Variants in SAR1A observed in about 807,000 individuals in gnomAD.
SAR1A encodes secretion associated Ras related GTPase 1A, also known as small COPII coat GTPase SAR1A.
In SAR1A, 6 loss-of-function variants were observed where a neutral mutation model predicts 22.6. The ratio of observed to expected loss-of-function variants is 0.27; its 90% CI spans 0.15 to 0.52. The LOEUF (loss-of-function observed/expected upper bound fraction) is 0.52. Ranked by LOEUF, SAR1A falls within the 20% of genes least tolerant of loss-of-function variation. SAR1A has a pLI of 0.96. For synonymous variants in SAR1A, 70 were observed against 82.2 expected (o/e 0.85, Z 0.80); for missense variants, 145 against 245.1 (o/e 0.59, Z 2.73).
At chr10:70,162,572 A>G (rs1839489570) in intron 1 of SAR1A, 1 of 152,122 alleles carries the variant, frequency 6.6e-6, no homozygotes, top group African/African-American at 2.4e-5. Flanking sequence ...TTCTTGACAC[A>G]GATTTTGCAA....
chr10:70,163,635 G>A (rs1239467632), intron 1 of SAR1A: 3 of 722,220 alleles, frequency 4.2e-6, no homozygotes, highest in Admixed American at 1.9e-5. Context: ...GCAAGTGAGC[G>A]AGCAGAGTGG....
chr10:70,163,980 T>C (rs1839510958), intron 1 of SAR1A: 1 of 1,212,454 alleles, frequency 8.2e-7, no homozygotes, highest in Non-Finnish European at 1.2e-6. Context: ...TGGCAATGGC[T>C]ATATTAGTGG....
At chr10:70,158,771 G>GAAA (rs1839429168) in intron 4 of SAR1A, among the ~76,000 whole-genome samples, 1 of 92,288 alleles carries the variant, frequency 1.1e-5, no homozygotes, top group Non-Finnish European at 2.1e-5. Flanking sequence ...AAAAAAAAAA[G>GAAA]GAAACCTCCA....
At position 70,170,486 on chromosome 10, in the gene SAR1A, CG is replaced by C. The variant is rs1839614863; in HGVS notation, c.-91del. The C allele has an allele frequency of 6.5e-6, 1 of 152,736 alleles. No homozygotes were observed. The highest frequency in any genetic ancestry group is 1.5e-5 in the Non-Finnish European group (1 of 68,520). 9.5% of individuals were successfully genotyped at this position (152,736 alleles called of 1,614,324 possible). On this transcript the variant is annotated 5_prime_UTR_variant, in exon 1 of 7. Coordinates refer to ENST00000373241, the MANE Select transcript of SAR1A (RefSeq NM_020150.5). Reference sequence around the variant, plus strand: ...TCAGAGCACACTAACCAGCAGCACCCGGGACCGCCAGCTACTCGCCGGATGT... The same window carrying C: ...TCAGAGCACACTAACCAGCAGCACCCGGACCGCCAGCTACTCGCCGGATGT...
At chr10:70,162,724 T>G (rs1721787785) in intron 1 of SAR1A, 1 of 152,214 alleles carries the variant, frequency 6.6e-6, no homozygotes, top group Non-Finnish European at 1.5e-5. Context: ...CCTGAGGTTT[T>G]CTGGTTTTTT....
In SAR1A at chr10:70,150,462, C is replaced by T. The variant is rs1157572772; in HGVS notation, c.*2014G>A. ...ATTGGTTCTAACTGATTTTCAATCCCCTTTCTCCAGTGGAATAAACCACTT... is the reference window on the plus strand; with the variant it reads ...ATTGGTTCTAACTGATTTTCAATCCTCTTTCTCCAGTGGAATAAACCACTT... On this transcript the variant is annotated 3_prime_UTR_variant, in exon 7 of 7. Transcript: ENST00000373241. The T allele has an allele frequency of 6.6e-6, 1 of 152,156 alleles. No individual in the cohort carries two copies. The highest frequency in any genetic ancestry group is 1.5e-5 in the Non-Finnish European group (1 of 68,036). 9.4% of individuals were successfully genotyped at this position (152,156 alleles called of 1,614,324 possible).
At chr10:70,161,390 TA>T in intron 3 of SAR1A, 1 of 589,796 alleles carries the variant, frequency 1.7e-6, no homozygotes, top group South Asian at 2.2e-5. Flanking sequence ...TAGAAGTAGG[TA>T]TAGGAGAGGT....
chr10:70,157,603 C>T, intron 5 of SAR1A, 161 bp downstream of exon 5: 1 of 567,786 alleles, frequency 1.8e-6, no homozygotes, highest in Non-Finnish European at 3.1e-6. Flanking sequence ...AAAGCAATGT[C>T]TTAGATTTAA....
rs1839604679 is a variant in SAR1A at position 70,170,003 on chromosome 10, G to A, written c.-17+410C>T. 2.0e-5 allele frequency among the ~76,000 whole-genome samples: 3 copies of A among 152,106 alleles called. No homozygotes were observed. The South Asian group carries it at 6.2e-4, about 32-fold the overall frequency. ...CGAGCGCTCACACTCGCTAACTGCGGAGCCTTGGCCAGCCTCAGTCTCCGA... is the reference window on the plus strand; with the variant it reads ...CGAGCGCTCACACTCGCTAACTGCGAAGCCTTGGCCAGCCTCAGTCTCCGA... On this transcript the variant is annotated intron_variant, in intron 1 of 6. Coordinates refer to ENST00000373241, the MANE Select transcript of SAR1A (RefSeq NM_020150.5).
chr10:70,166,128 T>C (rs1312434493), intron 1 of SAR1A, among the ~76,000 whole-genome samples: 2 of 152,242 alleles, frequency 1.3e-5, no homozygotes, highest in Non-Finnish European at 2.9e-5. Context: ...CAGACTACAG[T>C]ATAGTGTAAA....
chr10:70,152,203 A>G lies in SAR1A; in HGVS notation c.*273T>C. On this transcript the variant is annotated 3_prime_UTR_variant, in exon 7 of 7. Coordinates refer to ENST00000373241, the MANE Select transcript of SAR1A (RefSeq NM_020150.5). ...ACGTGTTTTTCTTTTCAGGTGCCCC[A>G]TGATGGCATACAGCTTTACCCGGCA... is the stretch of plus-strand genomic sequence containing the variant. 1.9e-6 allele frequency: 1 copy of G among 524,344 alleles called. No individual in the cohort carries two copies. Among genetic ancestry groups the G allele is most frequent in the Non-Finnish European group, 3.3e-6 (1 of 299,178 alleles). 32.5% of individuals were successfully genotyped at this position (524,344 alleles called of 1,614,324 possible).
chr10:70,153,767 T>C, intron 6 of SAR1A, 71 bp downstream of exon 6: 4 of 1,303,720 alleles, frequency 3.1e-6, no homozygotes, highest in Non-Finnish European at 4.1e-6. Context: ...AAGGGTAATC[T>C]AGATAGCGAA....
chr10:70,160,113 A>T (rs892887777), intron 4 of SAR1A, among the ~76,000 whole-genome samples: 4 of 152,214 alleles, frequency 2.6e-5, no homozygotes, highest in African/African-American at 9.6e-5. Context: ...AAAGGATGCA[A>T]AAATGACTTC....
Position 70,161,746 on chromosome 10 carries a change from A to G in SAR1A, c.59-8T>C. On this transcript the variant is annotated splice_region_variant and splice_polypyrimidine_tract_variant and intron_variant, in intron 2 of 6. Transcript: ENST00000373241. ...CAGATTTCTTGTACAGTCCTAAAAG[A>G]GAAAAAAATTGTTAACACATTTGCT... is the stretch of plus-strand genomic sequence containing the variant. The G allele has an allele frequency of 3.1e-6, 5 of 1,613,446 alleles. No individual in the cohort carries two copies. Among genetic ancestry groups the G allele is most frequent in the South Asian group, 2.2e-5 (2 of 90,970 alleles).
intron 4 of SAR1A, 135 bp from the exon 5 acceptor site, chr10:70,158,002 G>C: frequency 4.9e-6 from 3 of 615,232 alleles, no homozygotes; most frequent in Non-Finnish European, 5.7e-6. Context: ...CCAAGTTCTG[G>C]CCAGTATTAA....
intron 1 of SAR1A, among the ~76,000 whole-genome samples, chr10:70,168,159 G>A (rs1159290923): frequency 2.6e-5 from 4 of 152,192 alleles, no homozygotes; most frequent in Admixed American, 6.5e-5. Flanking sequence ...GCTAAATCCC[G>A]GCTGCTGCTG....
intron 1 of SAR1A, among the ~76,000 whole-genome samples, chr10:70,165,264 C>CAAA (rs34191043): frequency 9.7e-5 from 9 of 92,896 alleles, no homozygotes; most frequent in Non-Finnish European, 1.3e-4. Context: ...GACTCCGTCT[C>CAAA]AAAAAAAAAA....
At chr10:70,170,169 G>A (rs915719905) in intron 1 of SAR1A, among the ~76,000 whole-genome samples, 1 of 152,116 alleles carries the variant, frequency 6.6e-6, no homozygotes, top group Non-Finnish European at 1.5e-5. Context: ...CGGCCCAGCA[G>A]CTGCGAGACC....
At chr10:70,165,169 G>A (rs1426136559) in intron 1 of SAR1A, among the ~76,000 whole-genome samples, 1 of 150,034 alleles carries the variant, frequency 6.7e-6, no homozygotes, top group East Asian at 1.9e-4. Context: ...GGAGGCTGAG[G>A]CAGGAGAATG....
Sources: gnomAD v4.1 joint callset for allele counts (sites outside exome capture counted in the v4.1 genomes callset) on GRCh38, gnomAD v4.1.1 for gene constraint, MANE v1.5 for transcripts, NCBI Gene and HGNC (gene_info 2026-07-23, HGNC 2026-07-21) for gene names.